Variants in TLE3 observed in about 807,000 individuals in gnomAD.
TLE3 encodes the protein transducin-like enhancer protein 3.
TLE3 carries 14 observed loss-of-function variants against 93.0 expected under a neutral mutation model. That is an observed-to-expected ratio of 0.15 (90% CI 0.10 to 0.24). TLE3 has a LOEUF of 0.24. TLE3 is among the 10% of genes least tolerant of loss of function. TLE3 has a pLI of 1.00. For missense variants in TLE3, 693 were observed against 1,046.6 expected (o/e 0.66, Z 4.66); for synonymous variants, 451 against 425.0 (o/e 1.06, Z -0.75).
At chr15:70,096,559 C>T in intron 1 of TLE3, 2 of 1,454,476 alleles carry the variant, frequency 1.4e-6, no homozygotes, top group Non-Finnish European at 1.9e-6. Context: ...GCGTGAACAG[C>T]TCCCCCTGGA....
At chr15:70,055,741 G>T in intron 14 of TLE3, 1 of 194,238 alleles carries the variant, frequency 5.1e-6, no homozygotes, top group Non-Finnish European at 1.1e-5. Context: ...CCTGCCTGCT[G>T]TTTCAGGCTC....
rs1375264591 is a variant in TLE3 at position 70,048,572 on chromosome 15, CCATGGAGAGCCTGCCACCAGGACTCACAG to C, written c.*1496_*1524del. On this transcript the variant is annotated 3_prime_UTR_variant, in exon 20 of 20. Coordinates refer to ENST00000451782, the MANE Select transcript of TLE3 (RefSeq NM_001105192.3). Reference sequence around the variant, plus strand: ...AAAAATTATCTTCGATATGCTACATCCATGGAGAGCCTGCCACCAGGACTCACAGCGGCCTTTAGCTTTTCTTTAAAAGG... The same window carrying C: ...AAAAATTATCTTCGATATGCTACATCCGGCCTTTAGCTTTTCTTTAAAAGG... 6.6e-6 allele frequency: 1 copy of C among 151,954 alleles called. No individual in the cohort carries two copies. The highest frequency in any genetic ancestry group is 2.4e-5 in the African/African-American group (1 of 41,364). 9.4% of individuals were successfully genotyped at this position (151,954 alleles called of 1,614,324 possible). A position where few individuals can be genotyped will look rare whatever the true frequency, so the allele number is the denominator to read the frequency against.
intron 4 of TLE3, among the ~76,000 whole-genome samples, chr15:70,088,412 GA>G (rs1352118758): frequency 6.6e-6 from 1 of 152,064 alleles, no homozygotes; most frequent in African/African-American, 2.4e-5. Flanking sequence ...ATTTTATAAA[GA>G]ATTTTTTTTA....
intron 4 of TLE3, among the ~76,000 whole-genome samples, chr15:70,084,319 T>C (rs892625963): frequency 6.6e-6 from 1 of 152,252 alleles, no homozygotes; most frequent in Non-Finnish European, 1.5e-5. Flanking sequence ...TGGGCACTGA[T>C]AACAACAACT....
In TLE3 at chr15:70,058,433, C is replaced by G; in HGVS notation, c.919-142G>C. On this transcript the variant is annotated intron_variant, in intron 11 of 19. Transcript: ENST00000451782. This position sits in a 1 kb window ranked among gnomAD's most constrained non-coding sequence, Gnocchi z 4.1. The stretch of plus-strand genomic sequence containing the variant: ...TGCCGAACAGCCTCTCAATCCTTGC[C>G]CAACCTTGTTTGGCAGGGACTGGGG... 7.0e-7 allele frequency: 1 copy of G among 1,427,286 alleles called. No homozygotes were observed. Among genetic ancestry groups the G allele is most frequent in the Admixed American group, 2.3e-5 (1 of 42,570 alleles). The allele number at this position is 1,427,286 out of a possible 1,614,324, so 88.4% of individuals were successfully genotyped here. A position where few individuals can be genotyped will look rare whatever the true frequency, so the allele number is the denominator to read the frequency against.
chr15:70,094,854 C>A, intron 3 of TLE3: 1 of 396,300 alleles, frequency 2.5e-6, no homozygotes, highest in Non-Finnish European at 4.6e-6. Context: ...CCTGTTTATA[C>A]AAGGTTCAGG....
chr15:70,083,369 C>G (rs2057880670), intron 4 of TLE3, among the ~76,000 whole-genome samples: 2 of 152,166 alleles, frequency 1.3e-5, no homozygotes, highest in Admixed American at 1.3e-4. Context: ...TCTTGGTTCC[C>G]AAACACACTA....
At chr15:70,091,158 G>A (rs2058288804) in intron 4 of TLE3, among the ~76,000 whole-genome samples, 1 of 152,220 alleles carries the variant, frequency 6.6e-6, no homozygotes, top group Non-Finnish European at 1.5e-5. Flanking sequence ...GGCTCTTCCA[G>A]TTCCAAGATT....
At position 70,096,863 on chromosome 15, in the gene TLE3, G is replaced by T; in HGVS notation, c.-65C>A. 2 of 1,582,224 alleles carry T rather than the reference G, an allele frequency of 1.3e-6. No homozygotes were observed. Among genetic ancestry groups the T allele is most frequent in the South Asian group, 1.1e-5 (1 of 89,048 alleles). ...GAGAGCCCGGGCCGGGGAGGTGCGGGGGAGGGGGGAGCCGAGCCCGAGCGG... is the reference window on the plus strand; with the variant it reads ...GAGAGCCCGGGCCGGGGAGGTGCGGTGGAGGGGGGAGCCGAGCCCGAGCGG... On this transcript the variant is annotated 5_prime_UTR_variant, in exon 1 of 20. Coordinates refer to ENST00000451782, the MANE Select transcript of TLE3 (RefSeq NM_001105192.3).
intron 4 of TLE3, among the ~76,000 whole-genome samples, chr15:70,083,306 G>A (rs1260369196): frequency 2.0e-5 from 3 of 152,024 alleles, no homozygotes; most frequent in East Asian, 1.9e-4. Context: ...TCCATCTACC[G>A]GGCTTCCTGT....
intron 9 of TLE3, 41 bp from the exon 10 acceptor site, chr15:70,059,501 C>T (rs781067710): frequency 1.9e-6 from 3 of 1,578,798 alleles, no homozygotes; most frequent in Middle Eastern, 3.3e-4. Flanking sequence ...TAAGAGGCCA[C>T]ACTTTCCCCA....
chr15:70,061,410 C>A (rs143896691), intron 8 of TLE3, among the ~76,000 whole-genome samples: 101 of 152,162 alleles, frequency 6.6e-4, no homozygotes, highest in African/African-American at 2.4e-3. Flanking sequence ...CAGAAGGTGG[C>A]ACAAAGGGAA....
intron 14 of TLE3, 60 bp downstream of exon 14, chr15:70,056,238 G>T (rs1174737609): frequency 1.3e-6 from 2 of 1,543,790 alleles, no homozygotes; most frequent in African/African-American, 1.4e-5. Context: ...TGGAATTGGG[G>T]GTAGAGTGCT....
chr15:70,077,337 T>C lies in TLE3; in HGVS notation c.235-1179A>G, dbSNP rs546208350. 2.0e-5 allele frequency among the ~76,000 whole-genome samples: 3 copies of C among 152,338 alleles called. No homozygotes were observed. In the East Asian group the frequency reaches 5.8e-4, roughly 29 times the overall value. On this transcript the variant is annotated intron_variant, in intron 4 of 19. Transcript: ENST00000451782. ...TTCTGAATCCTGAGCCCGCCAGGAC[T>C]GAGGTCCCAAAGCTGGCTTCAAAGC...
intron 4 of TLE3, among the ~76,000 whole-genome samples, chr15:70,085,252 T>C (rs183083419): frequency 7.2e-5 from 11 of 152,324 alleles, no homozygotes; most frequent in Non-Finnish European, 1.0e-4. Context: ...GATCTGGGAC[T>C]CAAACCCACA....
chr15:70,092,705 T>C (rs1373077281), intron 4 of TLE3, among the ~76,000 whole-genome samples: 2 of 152,226 alleles, frequency 1.3e-5, no homozygotes, highest in Non-Finnish European at 2.9e-5. Context: ...CCAAATGCGT[T>C]AAGATATTTA....
At chr15:70,083,536 C>T (rs1331131579) in intron 4 of TLE3, among the ~76,000 whole-genome samples, 68 of 118,828 alleles carry the variant, frequency 5.7e-4, no homozygotes, top group African/African-American at 2.1e-3. Context: ...CTCTCTCCTT[C>T]CCCCTCCTCC....
chr15:70,054,455 G>A lies in TLE3; in HGVS notation c.1809C>T (p.His603=), dbSNP rs751023951. ...SDGNIAVWDL[H]NQTLVRQFQG... Reference sequence around the variant, plus strand: ...CGGCTCACCTGACCAGGGTCTGGTTGTGCAGGTCCCAGACAGCAATGTTCC... The same window carrying A: ...CGGCTCACCTGACCAGGGTCTGGTTATGCAGGTCCCAGACAGCAATGTTCC... Residue 603 remains histidine, a synonymous_variant, in exon 16 of 20, where the codon CAC becomes CAT. Coordinates refer to ENST00000451782, the MANE Select transcript of TLE3 (RefSeq NM_001105192.3). 1.2e-6 allele frequency: 2 copies of A among 1,613,788 alleles called. No individual in the cohort carries two copies. The highest frequency in any genetic ancestry group is 1.1e-5 in the South Asian group (1 of 91,076).
At chr15:70,079,910 C>T (rs145859871) in intron 4 of TLE3, among the ~76,000 whole-genome samples, 2 of 152,080 alleles carry the variant, frequency 1.3e-5, no homozygotes, top group Non-Finnish European at 2.9e-5. Flanking sequence ...TACCAAGAAG[C>T]CAAATTTTGA....
Sources: allele counts gnomAD v4.1 joint callset (sites outside exome capture counted in the v4.1 genomes callset), GRCh38; gene constraint gnomAD v4.1.1; non-coding constraint Gnocchi (gnomAD v3.1); transcripts MANE v1.5; gene names NCBI Gene and HGNC (gene_info 2026-07-23, HGNC 2026-07-21).